The following CHD2 variants were observed in gnomAD, a reference collection of about 807,000 sequenced individuals.
CHD2 encodes the protein chromodomain helicase DNA binding protein 2.
Under a neutral mutation model 243.9 loss-of-function variants are expected in CHD2, and 28 were observed. The observed-to-expected ratio is 0.11, with a 90% confidence interval of 0.09 to 0.16. CHD2 has a LOEUF of 0.16. Among genes scored for constraint, CHD2 ranks in the 10% least tolerant of loss-of-function variants. The pLI, the probability that CHD2 is intolerant of heterozygous loss-of-function variation, is 1.00. For synonymous variants in CHD2, 775 were observed against 779.0 expected (o/e 0.99, Z 0.09); for missense variants, 1,386 against 2,209.8 (o/e 0.63, Z 7.47).
intron 26 of CHD2, among the ~76,000 whole-genome samples, chr15:92,988,777 A>G (rs74836433): frequency 0.069 from 10,442 of 151,166 alleles, 516 homozygotes; most frequent in South Asian, 0.12. Flanking sequence ...CATTTCCGTT[A>G]TTGTAGTTTT....
chr15:92,933,029 A>G (rs1200446782), intron 5 of CHD2, among the ~76,000 whole-genome samples: 2 of 137,034 alleles, frequency 1.5e-5, no homozygotes, highest in East Asian at 2.1e-4. Flanking sequence ...AAGATGAGCC[A>G]CCGCGCCCGG....
intron 25 of CHD2, among the ~76,000 whole-genome samples, chr15:92,985,044 G>C (rs1366294886): frequency 6.6e-6 from 1 of 152,110 alleles, no homozygotes; most frequent in Non-Finnish European, 1.5e-5. Flanking sequence ...TTTGTTCAAG[G>C]TCACAGTAAA....
rs1394901183 is a variant in CHD2 at position 92,953,826 on chromosome 15, T to C, written c.1719+253T>C. 1.6e-5 allele frequency: 7 copies of C among 444,944 alleles called. No individual in the cohort carries two copies. The South Asian group carries it at 2.1e-4, about 13-fold the overall frequency. 27.6% of individuals were successfully genotyped at this position (444,944 alleles called of 1,614,324 possible). A position where few individuals can be genotyped will look rare whatever the true frequency, so the allele number is the denominator to read the frequency against. ...TTTAGCTGGGTTGCAATATTAAATT[T>C]TTCTTCTCTCTGCCCTTTTTACTTC... On this transcript the variant is annotated intron_variant, in intron 14 of 38. Transcript: ENST00000394196.
In CHD2 at chr15:92,901,267, G is replaced by A. The variant is rs754725429; in HGVS notation, c.30G>A (p.Glu10=). The change falls in exon 2 of 39, where the codon GAG becomes GAA. Residue 10 remains glutamate, a synonymous_variant. Transcript: ENST00000394196. The part of the protein sequence containing the change: MMRNKDKSQ[E]EDSSLHSNAS... The stretch of plus-strand genomic sequence containing the variant: ...TGAGAAATAAGGACAAAAGCCAAGA[G>A]GAGGACAGTTCGCTACACAGCAATG... The A allele has an allele frequency of 3.7e-6, 6 of 1,607,496 alleles. No homozygotes were observed. Among genetic ancestry groups the A allele is most frequent in the Non-Finnish European group, 5.1e-6 (6 of 1,174,610 alleles).
At position 93,019,743 on chromosome 15, in the gene CHD2, A is replaced by G. The variant is rs55675444; in HGVS notation, c.4907-269A>G. Among the ~76,000 whole-genome samples the G allele has an allele frequency of 0.032, 4,836 of 152,134 alleles. 86 individuals carry two copies. The highest frequency in any genetic ancestry group is 0.061 in the Middle Eastern group (18 of 294). On this transcript the variant is annotated intron_variant, in intron 37 of 38. Coordinates refer to ENST00000394196, the MANE Select transcript of CHD2 (RefSeq NM_001271.4). ...GAGGTCAGGAGTTTGAGACCAGCCT[A>G]GCCAACATGGTGAAACCCTGTCTCT...
At position 92,940,892 on chromosome 15, in the gene CHD2, A is replaced by T. The variant is rs1443407256; in HGVS notation, c.693-930A>T. Among the ~76,000 whole-genome samples, 3 of 88,490 alleles carry T rather than the reference A, an allele frequency of 3.4e-5. 1 individual carries two copies. The highest frequency in any genetic ancestry group is 3.0e-4 in the Admixed American group (2 of 6,684). The allele number at this position is 88,490 out of a possible 152,430, so 58.1% of individuals were successfully genotyped here. On this transcript the variant is annotated intron_variant, in intron 7 of 38. Transcript: ENST00000394196. Reference sequence around the variant, plus strand: ...AAAATATACATATAAATATATATAAAAATATATATAAATATATATATAAAT... The same window carrying T: ...AAAATATACATATAAATATATATAATAATATATATAAATATATATATAAAT...
intron 37 of CHD2, 54 bp downstream of exon 37, chr15:93,014,963 A>G (rs202170911): frequency 6.9e-7 from 1 of 1,445,922 alleles, no homozygotes; most frequent in Non-Finnish European, 9.7e-7. Flanking sequence ...AAAAATTCAC[A>G]CAGCCGTTTC....
chr15:93,015,979 A>C (rs1370824190), intron 37 of CHD2, among the ~76,000 whole-genome samples: 1 of 152,234 alleles, frequency 6.6e-6, no homozygotes, highest in Non-Finnish European at 1.5e-5. Flanking sequence ...CAGAACTACC[A>C]TATGATGCAG....
intron 38 of CHD2, among the ~76,000 whole-genome samples, chr15:93,023,948 C>T (rs2054563739): frequency 7.2e-6 from 1 of 139,228 alleles, no homozygotes. Flanking sequence ...TAATACTCTT[C>T]ACACTGAGTT....
At position 92,993,173 on chromosome 15, in the gene CHD2, T is replaced by G. The variant is rs1182190989; in HGVS notation, c.3595+175T>G. Reference sequence around the variant, plus strand: ...ATATTCTACTCTCCTACAGGTCTACTCACAAATGAAGTTGATTTGCAGAAG... The same window carrying G: ...ATATTCTACTCTCCTACAGGTCTACGCACAAATGAAGTTGATTTGCAGAAG... On this transcript the variant is annotated intron_variant, in intron 28 of 38. Transcript: ENST00000394196. The G allele has an allele frequency of 1.5e-5, 9 of 603,274 alleles. No homozygotes were observed. The African/African-American group carries it at 1.7e-4, about 11-fold the overall frequency. The allele number at this position is 603,274 out of a possible 1,614,324, so 37.4% of individuals were successfully genotyped here.
intron 16 of CHD2, among the ~76,000 whole-genome samples, chr15:92,962,152 T>G (rs1309991878): frequency 1.3e-5 from 2 of 152,038 alleles, no homozygotes; most frequent in Admixed American, 6.6e-5. Context: ...AGTGCTGGGA[T>G]TGCAGGCGTG....
At chr15:92,938,116 A>T (rs11074120) in intron 6 of CHD2, among the ~76,000 whole-genome samples, 54,782 of 152,056 alleles carry the variant, frequency 0.36, 11,270 homozygotes, top group East Asian at 0.81. Context: ...AGGGAAAATT[A>T]CCTCCTTGTA....
chr15:92,927,830 A>T lies in CHD2; in HGVS notation c.381+500A>T, dbSNP rs201644464. On this transcript the variant is annotated intron_variant, in intron 4 of 38. Coordinates refer to ENST00000394196, the MANE Select transcript of CHD2 (RefSeq NM_001271.4). ...GCTCATTTTTAGTGTGAGATATAATAAAATGAGTTTCAAACATACTTACTC... is the reference window on the plus strand; with the variant it reads ...GCTCATTTTTAGTGTGAGATATAATTAAATGAGTTTCAAACATACTTACTC... Among the ~76,000 whole-genome samples the T allele has an allele frequency of 7.9e-5, 12 of 152,344 alleles. No individual in the cohort carries two copies. In the East Asian group the frequency reaches 2.1e-3, roughly 27 times the overall value.
At position 92,998,059 on chromosome 15, in the gene CHD2, G is replaced by C. The variant is rs2054208370; in HGVS notation, c.3886-440G>C. The C allele has an allele frequency of 2.4e-6, 1 of 421,974 alleles. No individual in the cohort carries two copies. Among genetic ancestry groups the C allele is most frequent in the Non-Finnish European group, 3.2e-6 (1 of 312,714 alleles). The allele number at this position is 421,974 out of a possible 1,614,324, so 26.1% of individuals were successfully genotyped here. A position where few individuals can be genotyped will look rare whatever the true frequency, so the allele number is the denominator to read the frequency against. ...TCTGGCAAGAGACCCAGTTGTTGTA[G>C]CAAGGAACAGATCATGTCCTGGCGT... On this transcript the variant is annotated intron_variant, in intron 30 of 38. Transcript: ENST00000394196. The surrounding 1 kb of genome is among the most constrained non-coding windows in gnomAD (Gnocchi z 5.1).
intron 16 of CHD2, among the ~76,000 whole-genome samples, chr15:92,966,886 GGCGACGGAGC>G (rs1408721025): frequency 2.0e-5 from 3 of 150,330 alleles, no homozygotes; most frequent in Admixed American, 1.3e-4. Flanking sequence ...TTCCAGCCTG[GGCGACGGAGC>G]GAGACTCTGT....
At chr15:92,905,125 A>G in intron 2 of CHD2, 2 of 828,772 alleles carry the variant, frequency 2.4e-6, no homozygotes, top group Non-Finnish European at 3.7e-6. Flanking sequence ...TTAGGCAACC[A>G]TTACTATGTA....
At position 92,942,445 on chromosome 15, in the gene CHD2, A is replaced by AG. The variant is rs200436331; in HGVS notation, c.827-396dup. On this transcript the variant is annotated intron_variant, in intron 8 of 38. Transcript: ENST00000394196. ...CTTTTTTTCATTCTGGCTTCGATTGAGGTTAAGAAAGTTAACCGGGGACTT... is the reference window on the plus strand; with the variant it reads ...CTTTTTTTCATTCTGGCTTCGATTGAGGGTTAAGAAAGTTAACCGGGGACTT... Among the ~76,000 whole-genome samples the AG allele has an allele frequency of 1.9e-4, 28 of 146,656 alleles. 1 individual carries two copies. In the East Asian group the frequency reaches 5.0e-3, roughly 26 times the overall value.
In CHD2 at chr15:92,927,239, T is replaced by C. The variant is rs1222239972; in HGVS notation, c.295-5T>C. ...AGATTAATGCGTGGTCTCTTAATTT[T>C]ACAGATGTGGGAAGAATATCCTGAT... On this transcript the variant is annotated splice_polypyrimidine_tract_variant and splice_region_variant and intron_variant, in intron 3 of 38. Transcript: ENST00000394196. 1 of 1,607,552 alleles carries C rather than the reference T, an allele frequency of 6.2e-7. No individual in the cohort carries two copies. The highest frequency in any genetic ancestry group is 8.5e-7 in the Non-Finnish European group (1 of 1,174,508).
intron 5 of CHD2, among the ~76,000 whole-genome samples, chr15:92,931,870 T>A (rs2053173696): frequency 6.6e-6 from 1 of 150,556 alleles, no homozygotes; most frequent in Non-Finnish European, 1.5e-5. Flanking sequence ...GTACTTTTTT[T>A]TTTTTTTTTT....
Sources: gnomAD v4.1 joint callset for allele counts (sites outside exome capture counted in the v4.1 genomes callset) on GRCh38, gnomAD v4.1.1 for gene constraint, Gnocchi (gnomAD v3.1) non-coding constraint, MANE v1.5 for transcripts, NCBI Gene and HGNC (gene_info 2026-07-23, HGNC 2026-07-21) for gene names.